The following DNAH7 variants were observed in gnomAD, a reference collection of about 807,000 sequenced individuals.
The protein encoded by DNAH7 is axonemal beta dynein heavy chain 7.
A neutral mutation model predicts 444.6 loss-of-function variants in DNAH7; 397 were observed. The observed-to-expected ratio is 0.89, with a 90% CI of 0.82 to 0.97. DNAH7 has a LOEUF of 0.97. DNAH7 is among the 50% of genes least tolerant of loss of function. DNAH7 has a pLI of 0.00. For synonymous variants in DNAH7, 1,636 were observed against 1,624.4 expected, an observed-to-expected ratio of 1.01 and a Z score of -0.17; for missense variants, 4,902 against 4,800.8, an observed-to-expected ratio of 1.02 and a Z score of -0.62.
chr2:195,744,732 C>T (rs1693280327), intron 63 of DNAH7, among the ~76,000 whole-genome samples: 1 of 152,230 alleles, frequency 6.6e-6, no homozygotes, highest in African/African-American at 2.4e-5. Context: ...GCTGCTGTTA[C>T]CCAGGCAAAC....
chr2:195,943,374 T>C (rs1243696673), intron 19 of DNAH7, among the ~76,000 whole-genome samples: 4 of 152,164 alleles, frequency 2.6e-5, no homozygotes, highest in Non-Finnish European at 5.9e-5. Context: ...GGTGAGTTCC[T>C]TAGCATATGC....
At chr2:195,795,014 T>C (rs947403491) in intron 56 of DNAH7, among the ~76,000 whole-genome samples, 2 of 152,142 alleles carry the variant, frequency 1.3e-5, no homozygotes, top group Non-Finnish European at 2.9e-5. Context: ...GTATATATGA[T>C]ACAATTCAAC....
At chr2:195,852,898 AC>A (rs1472077809) in intron 46 of DNAH7, among the ~76,000 whole-genome samples, 1 of 117,238 alleles carries the variant, frequency 8.5e-6, no homozygotes, top group Admixed American at 8.7e-5. Context: ...AAGTACACAC[AC>A]ACACACACAC....
intron 2 of DNAH7, 120 bp from the exon 3 acceptor site, chr2:196,051,369 G>A: frequency 5.2e-6 from 4 of 770,220 alleles, no homozygotes; most frequent in Non-Finnish European, 9.0e-6. Context: ...CATATTCAAA[G>A]ATAAACTTTA....
chr2:195,805,321 T>C (rs1335797201), intron 54 of DNAH7, among the ~76,000 whole-genome samples: 1 of 152,128 alleles, frequency 6.6e-6, no homozygotes, highest in East Asian at 1.9e-4. Context: ...AGTTTTTATC[T>C]AGCTTAGAAA....
At chr2:196,038,912 T>C (rs1278941750) in intron 5 of DNAH7, among the ~76,000 whole-genome samples, 3 of 152,160 alleles carry the variant, frequency 2.0e-5, no homozygotes, top group South Asian at 2.1e-4. Context: ...AGGAGAGACA[T>C]AGACCCCAAT....
intron 36 of DNAH7, among the ~76,000 whole-genome samples, chr2:195,881,183 T>C (rs901479733): frequency 6.6e-6 from 1 of 152,168 alleles, no homozygotes; most frequent in African/African-American, 2.4e-5. Flanking sequence ...TACTGCCAAA[T>C]ACATTTCAGA....
intron 60 of DNAH7, among the ~76,000 whole-genome samples, chr2:195,774,693 G>A (rs929632164): frequency 6.6e-6 from 1 of 152,148 alleles, no homozygotes; most frequent in African/African-American, 2.4e-5. Flanking sequence ...TGTAAAATGG[G>A]AATAGTAATA....
chr2:195,976,936 C>G (rs1032992433), intron 15 of DNAH7, among the ~76,000 whole-genome samples: 1 of 152,174 alleles, frequency 6.6e-6, no homozygotes, highest in African/African-American at 2.4e-5. Flanking sequence ...CTTGGGGTAT[C>G]CCTTAATGCA....
intron 60 of DNAH7, among the ~76,000 whole-genome samples, chr2:195,773,000 C>CA (rs1694912206): frequency 6.6e-6 from 1 of 152,056 alleles, no homozygotes; most frequent in Non-Finnish European, 1.5e-5. Context: ...AGGCTGGTCT[C>CA]AAACTCCTGG....
chr2:195,873,142 C>G (rs1286965401), intron 39 of DNAH7, among the ~76,000 whole-genome samples: 2 of 152,160 alleles, frequency 1.3e-5, no homozygotes, highest in Admixed American at 6.5e-5. Context: ...CTTCCCCTGC[C>G]CAGGTCAGCT....
At chr2:195,941,465 A>C (rs1222572631) in intron 19 of DNAH7, among the ~76,000 whole-genome samples, 1 of 151,642 alleles carries the variant, frequency 6.6e-6, no homozygotes, top group Non-Finnish European at 1.5e-5. Context: ...AAAAAAAAAA[A>C]AAAACCTAGA....
chr2:196,034,869 G>A (rs1008514989), intron 5 of DNAH7, among the ~76,000 whole-genome samples: 1 of 152,126 alleles, frequency 6.6e-6, no homozygotes, highest in African/African-American at 2.4e-5. Context: ...GCATGTAAAC[G>A]TAAGAGTTAA....
intron 8 of DNAH7, 132 bp from the exon 9 acceptor site, chr2:196,019,427 AATT>A: frequency 3.2e-6 from 2 of 628,728 alleles, no homozygotes; most frequent in South Asian, 6.9e-5. Context: ...CAAAACAAGC[AATT>A]ATGTTTTAAA....
At chr2:195,835,346 G>A (rs1450198852) in intron 47 of DNAH7, among the ~76,000 whole-genome samples, 2 of 122,356 alleles carry the variant, frequency 1.6e-5, no homozygotes, top group African/African-American at 6.3e-5. Flanking sequence ...TAGGTCATTA[G>A]AAGAGCAGGA....
intron 55 of DNAH7, among the ~76,000 whole-genome samples, chr2:195,796,963 A>C (rs1435066017): frequency 6.6e-6 from 1 of 152,222 alleles, no homozygotes; most frequent in East Asian, 1.9e-4. Context: ...CAATAAATGG[A>C]AAATTCTGTA....
chr2:195,960,247 A>T lies in DNAH7; in HGVS notation c.2891+13T>A. 1 of 1,579,926 alleles carries T rather than the reference A, an allele frequency of 6.3e-7. No individual in the cohort carries two copies. The highest frequency in any genetic ancestry group is 8.6e-7 in the Non-Finnish European group (1 of 1,163,858). On this transcript the variant is annotated intron_variant, in intron 18 of 64. Transcript: ENST00000312428. ...AACATAGCATAAACATTGCCATATA[A>T]ATATCACTTTACCTCATTTGTTTTT...
chr2:195,751,854 A>C (rs1190730779), intron 63 of DNAH7, among the ~76,000 whole-genome samples: 2 of 152,228 alleles, frequency 1.3e-5, no homozygotes, highest in Admixed American at 6.5e-5. Context: ...ATGGAGACCA[A>C]AGGCTGATAT....
chr2:195,902,501 G>A (rs1027270961), intron 27 of DNAH7: 2 of 152,144 alleles, frequency 1.3e-5, no homozygotes, highest in African/African-American at 4.8e-5. Flanking sequence ...AAATCAGTCA[G>A]CCAGTCAATG....
Sources: allele counts gnomAD v4.1 joint callset (sites outside exome capture counted in the v4.1 genomes callset), GRCh38; gene constraint gnomAD v4.1.1; transcripts MANE v1.5; gene names NCBI Gene and HGNC (gene_info 2026-07-23, HGNC 2026-07-21).